ZNF589: variants seen among roughly 807,000 people sequenced by gnomAD.
The protein encoded by ZNF589 is zinc finger protein 589, also known as KRAB-zinc finger protein SZF1-1.
A neutral mutation model predicts 13.6 loss-of-function variants in ZNF589; 17 were observed. The observed-to-expected ratio is 1.25, with a 90% CI of 0.86 to 1.88. The LOEUF is 1.88. Among genes scored for constraint, ZNF589 ranks in the 40% most tolerant of loss-of-function variants. The pLI, the probability that ZNF589 is intolerant of heterozygous loss-of-function variation, is 0.00. For synonymous variants in ZNF589, 148 were observed against 161.6 expected, an observed-to-expected ratio of 0.92 and a Z score of 0.64; for missense variants, 407 against 434.0, an observed-to-expected ratio of 0.94 and a Z score of 0.55.
rs750423208 is a variant in ZNF589, at chr3:48,260,811, A to T, written c.97-2A>T. ...TGAATATGAATTTATCGGTTGATTT[A>T]GGGACCAGTGACTTTCGAGGATGTG... On this transcript the variant is annotated splice_acceptor_variant, in intron 2 of 3. Transcript: ENST00000354698. LOFTEE classifies it high-confidence loss of function. 10 of 1,614,152 alleles carry T rather than the reference A, an allele frequency of 6.2e-6. No individual in the cohort carries two copies. In the South Asian group the frequency reaches 1.1e-4, roughly 18 times the overall value.
intron 3 of ZNF589, among the ~76,000 whole-genome samples, chr3:48,261,536 T>G (rs891323023): frequency 6.6e-6 from 1 of 152,238 alleles, no homozygotes; most frequent in Non-Finnish European, 1.5e-5. Flanking sequence ...ATCTGTCAGT[T>G]TGATGTTTTA....
In ZNF589 at chr3:48,268,116, CAGA is replaced by C. The variant is rs2034040573; in HGVS notation, c.429_431del (p.Glu143del). 1 of 1,614,030 alleles carries C rather than the reference CAGA, an allele frequency of 6.2e-7. No individual in the cohort carries two copies. The highest frequency in any genetic ancestry group is 1.7e-5 in the Admixed American group (1 of 59,994). On this transcript the variant is annotated inframe_deletion, in exon 4 of 4. Coordinates refer to ENST00000354698, the MANE Select transcript of ZNF589 (RefSeq NM_016089.3). Reference sequence around the variant, plus strand: ...GATAAAAATCACAGGGGGGCTGAAGCAGAAGATCAACGAGTGGAAGGAGGCGTC... The same window carrying C: ...GATAAAAATCACAGGGGGGCTGAAGCAGATCAACGAGTGGAAGGAGGCGTC...
At chr3:48,258,337 A>G (rs565189777) in intron 2 of ZNF589, among the ~76,000 whole-genome samples, 2 of 152,308 alleles carry the variant, frequency 1.3e-5, no homozygotes, top group South Asian at 2.1e-4. Flanking sequence ...TTGTTAATCT[A>G]TATGAATACG....
At chr3:48,243,639 C>G (rs562074284) in intron 1 of ZNF589, among the ~76,000 whole-genome samples, 4 of 152,186 alleles carry the variant, frequency 2.6e-5, no homozygotes, top group Non-Finnish European at 4.4e-5. Flanking sequence ...TAGTGAACCT[C>G]TATCTCTACT....
chr3:48,245,206 TG>T (rs1233152017), intron 1 of ZNF589, among the ~76,000 whole-genome samples: 1 of 152,066 alleles, frequency 6.6e-6, no homozygotes, highest in East Asian at 1.9e-4. Context: ...CCTTTGCCTC[TG>T]GGGCTCAAAT....
chr3:48,263,353 G>A (rs566315237), intron 3 of ZNF589, among the ~76,000 whole-genome samples: 104 of 152,264 alleles, frequency 6.8e-4, no homozygotes, highest in Middle Eastern at 3.4e-3. Context: ...CAGATGATCC[G>A]CCTGCCTCCG....
At chr3:48,254,905 A>T (rs1265345183) in intron 2 of ZNF589, among the ~76,000 whole-genome samples, 1 of 151,656 alleles carries the variant, frequency 6.6e-6, no homozygotes, top group Admixed American at 6.6e-5. Context: ...TTTCCTATGT[A>T]GACAGTCATG....
At position 48,269,253 on chromosome 3, in the gene ZNF589, C is replaced by G. The variant is rs2034061973; in HGVS notation, c.*467C>G. The G allele has an allele frequency of 1.3e-6, 2 of 1,526,348 alleles. No individual in the cohort carries two copies. Among genetic ancestry groups the G allele is most frequent in the Admixed American group, 1.8e-5 (1 of 56,348 alleles). The allele number at this position is 1,526,348 out of a possible 1,614,324, so 94.6% of individuals were successfully genotyped here. Reference sequence around the variant, plus strand: ...TCACAGCTCATCAGACACCAGAGGACACACACAGGAGAAAAGCCTTATGTC... The same window carrying G: ...TCACAGCTCATCAGACACCAGAGGAGACACACAGGAGAAAAGCCTTATGTC... On this transcript the variant is annotated 3_prime_UTR_variant, in exon 4 of 4. Coordinates refer to ENST00000354698, the MANE Select transcript of ZNF589 (RefSeq NM_016089.3).
intron 3 of ZNF589, among the ~76,000 whole-genome samples, chr3:48,264,022 G>A (rs1268805712): frequency 2.6e-5 from 4 of 152,120 alleles, no homozygotes; most frequent in Non-Finnish European, 1.5e-5. Flanking sequence ...ATATGTATGG[G>A]AGAAGGGTTC....
chr3:48,243,079 A>AT (rs2106828822), intron 1 of ZNF589, among the ~76,000 whole-genome samples: 1 of 151,832 alleles, frequency 6.6e-6, no homozygotes, highest in South Asian at 2.1e-4. Context: ...AAAAAAAAAA[A>AT]GGAAATTTGA....
At chr3:48,251,786 T>C (rs1442560949) in intron 2 of ZNF589, among the ~76,000 whole-genome samples, 1 of 152,026 alleles carries the variant, frequency 6.6e-6, no homozygotes, top group Non-Finnish European at 1.5e-5. Context: ...CTCATACCTG[T>C]AATCCTAGCA....
rs760855306 is a variant in ZNF589, at chr3:48,269,482, ACTC to A, written c.*700_*702del. On this transcript the variant is annotated 3_prime_UTR_variant, in exon 4 of 4. Coordinates refer to ENST00000354698, the MANE Select transcript of ZNF589 (RefSeq NM_016089.3). Reference sequence around the variant, plus strand: ...GTGGGCGGGGATTTGGCCGGAAGATACTCCTCAACAGACACTGGAGGACACACA... The same window carrying A: ...GTGGGCGGGGATTTGGCCGGAAGATACTCAACAGACACTGGAGGACACACA... 7.6e-6 allele frequency: 3 copies of A among 395,750 alleles called. No individual in the cohort carries two copies. Among genetic ancestry groups the A allele is most frequent in the African/African-American group, 2.1e-5 (1 of 47,738 alleles). 24.5% of individuals were successfully genotyped at this position (395,750 alleles called of 1,614,324 possible).
Position 48,269,018 on chromosome 3 carries a change from C to G in ZNF589, c.*232C>G, listed in dbSNP as rs2034058453. On this transcript the variant is annotated 3_prime_UTR_variant, in exon 4 of 4. Transcript: ENST00000354698. ...TCGGAGAACACACTCAGGGGAGAAG[C>G]CTTATGTGTGTGGGGAATGTGGGCG... The G allele has an allele frequency of 2.8e-6, 2 of 713,174 alleles. No individual in the cohort carries two copies. The highest frequency in any genetic ancestry group is 4.7e-6 in the Non-Finnish European group (2 of 423,056). 44.2% of individuals were successfully genotyped at this position (713,174 alleles called of 1,614,324 possible).
chr3:48,268,102 C>T lies in ZNF589; in HGVS notation c.411C>T (p.His137=). 6.2e-7 allele frequency: 1 copy of T among 1,614,174 alleles called. No individual in the cohort carries two copies. The highest frequency in any genetic ancestry group is 8.5e-7 in the Non-Finnish European group (1 of 1,180,038). ...PQSQHPSDKN[H]RGAEAEDQRV... ...CACAACATCCTTCTGATAAAAATCACAGGGGGGCTGAAGCAGAAGATCAAC... is the reference window on the plus strand; with the variant it reads ...CACAACATCCTTCTGATAAAAATCATAGGGGGGCTGAAGCAGAAGATCAAC... Residue 137 remains histidine, a synonymous_variant, in exon 4 of 4, where the codon CAC becomes CAT. Transcript: ENST00000354698.
intron 3 of ZNF589, among the ~76,000 whole-genome samples, chr3:48,261,165 A>T (rs997706925): frequency 2.0e-5 from 3 of 149,788 alleles, no homozygotes; most frequent in Admixed American, 6.7e-5. Flanking sequence ...CTACATAGCT[A>T]AAAAAAAATG....
At chr3:48,265,046 A>G (rs987133199) in intron 3 of ZNF589, among the ~76,000 whole-genome samples, 11 of 151,570 alleles carry the variant, frequency 7.3e-5, no homozygotes, top group African/African-American at 1.9e-4. Flanking sequence ...ATCCCTGCTC[A>G]CTGCAACCTC....
chr3:48,269,692 T>A lies in ZNF589; in HGVS notation c.*906T>A, dbSNP rs1032271355. 8.9e-6 allele frequency: 3 copies of A among 338,834 alleles called. No individual in the cohort carries two copies. Among genetic ancestry groups the A allele is most frequent in the African/African-American group, 6.5e-5 (3 of 46,492 alleles). The allele number at this position is 338,834 out of a possible 1,614,324, so 21.0% of individuals were successfully genotyped here. On this transcript the variant is annotated 3_prime_UTR_variant, in exon 4 of 4. Transcript: ENST00000354698. Reference sequence around the variant, plus strand: ...AGAAGATACACTCGGGGAAAAGCTTTAGAGGTGCAAGGAGTGAGGATGTGA... The same window carrying A: ...AGAAGATACACTCGGGGAAAAGCTTAAGAGGTGCAAGGAGTGAGGATGTGA...
chr3:48,244,197 G>A lies in ZNF589; in HGVS notation c.43+2983G>A, dbSNP rs1048995140. Among the ~76,000 whole-genome samples the A allele has an allele frequency of 1.1e-4, 17 of 152,174 alleles. 1 individual carries two copies. The highest frequency in any genetic ancestry group is 9.8e-4 in the Admixed American group (15 of 15,284). ...ATCAGAACCACCTGTCCCTCTGGAAGGGAGAGGCTTAGATGGTCTTTTTTG... is the reference window on the plus strand; with the variant it reads ...ATCAGAACCACCTGTCCCTCTGGAAAGGAGAGGCTTAGATGGTCTTTTTTG... On this transcript the variant is annotated intron_variant, in intron 1 of 3. Coordinates refer to ENST00000354698, the MANE Select transcript of ZNF589 (RefSeq NM_016089.3).
rs577453669 is a variant in ZNF589 at position 48,241,161 on chromosome 3, T to A, written c.-11T>A. 20 of 1,613,394 alleles carry A rather than the reference T, an allele frequency of 1.2e-5. No homozygotes were observed. In the African/African-American group the frequency reaches 2.4e-4, roughly 19 times the overall value. Reference sequence around the variant, plus strand: ...CTACCTCGTTTGCTTCGTGCGTGCGTGCGCGCGCAGATGTGGGCCCCGCGG... The same window carrying A: ...CTACCTCGTTTGCTTCGTGCGTGCGAGCGCGCGCAGATGTGGGCCCCGCGG... On this transcript the variant is annotated 5_prime_UTR_variant, in exon 1 of 4. Transcript: ENST00000354698.
Sources: gnomAD v4.1 joint callset for allele counts (sites outside exome capture counted in the v4.1 genomes callset) on GRCh38, gnomAD v4.1.1 for gene constraint, MANE v1.5 for transcripts, NCBI Gene and HGNC (gene_info 2026-07-23, HGNC 2026-07-21) for gene names.